ADGRE3: variants seen among roughly 807,000 people sequenced by gnomAD.
ADGRE3 encodes the protein adhesion G protein-coupled receptor E3.
ADGRE3 carries 88 observed loss-of-function variants against 80.1 expected under a neutral mutation model. The ratio of observed to expected loss-of-function variants is 1.10; its 90% CI spans 0.93 to 1.31. ADGRE3 has a LOEUF of 1.31. Ranked by LOEUF, ADGRE3 falls within the 40% of genes most tolerant of loss-of-function variation. The pLI is 0.00. For synonymous variants in ADGRE3, 281 were observed against 294.8 expected (o/e 0.95, Z 0.48); for missense variants, 715 against 776.5 (o/e 0.92, Z 0.94).
rs566254116 is a variant in ADGRE3 at position 14,630,199 on chromosome 19, G to A, written c.1652C>T (p.Ala551Val). 89 of 1,601,350 alleles carry A rather than the reference G, an allele frequency of 5.6e-5. 1 individual carries two copies. The East Asian group carries it at 6.5e-4, about 12-fold the overall frequency. The part of the protein sequence containing the change: ...VSTIQNTRML[A>V]FKATAQLFIL... ...GAAGAGCTGAGCTGTTGCTTTGAAAGCCAGCATCCTGGGAGGAGGAAGTCA... is the reference window on the plus strand; with the variant it reads ...GAAGAGCTGAGCTGTTGCTTTGAAAACCAGCATCCTGGGAGGAGGAAGTCA... The change falls in exon 14 of 16, where the codon GCT becomes GTT. Residue 551 changes from alanine (A) to valine (V), a missense_variant. Transcript: ENST00000253673.
chr19:14,630,262 C>T, intron 13 of ADGRE3, 55 bp from the exon 14 acceptor site: 7 of 1,474,178 alleles, frequency 4.7e-6, no homozygotes, highest in Non-Finnish European at 6.4e-6. Context: ...TGAGCATGAA[C>T]ACCCCTCTAG....
intron 5 of ADGRE3, among the ~76,000 whole-genome samples, chr19:14,656,353 C>CAAA (rs747939718): frequency 6.1e-5 from 5 of 82,400 alleles, no homozygotes; most frequent in African/African-American, 1.7e-4. Flanking sequence ...GACTCCATCT[C>CAAA]AAAAAAAAAA....
In ADGRE3 at chr19:14,652,790, G is replaced by GA. The variant is rs372506023; in HGVS notation, c.578-1587dup. ...AGACTCCATCTCAAAAAAAAAAAAA[G>GA]AAAAAAAAAAAAAGAATGACATTAA... On this transcript the variant is annotated intron_variant, in intron 6 of 15. Transcript: ENST00000253673. 7.6e-4 allele frequency among the ~76,000 whole-genome samples: 96 copies of GA among 125,944 alleles called. 1 individual carries two copies. In the Middle Eastern group the frequency reaches 0.013, roughly 17 times the overall value. The allele number at this position is 125,944 out of a possible 152,430, so 82.6% of individuals were successfully genotyped here.
chr19:14,662,901 TA>T (rs1412026718), intron 3 of ADGRE3, among the ~76,000 whole-genome samples: 1 of 30,108 alleles, frequency 3.3e-5, no homozygotes, highest in African/African-American at 1.6e-4. Context: ...AATCCATCTC[TA>T]CAAAAAAAAA....
intron 11 of ADGRE3, among the ~76,000 whole-genome samples, chr19:14,635,948 CT>C (rs1226462705): frequency 1.3e-5 from 2 of 151,406 alleles, no homozygotes; most frequent in African/African-American, 4.8e-5. Context: ...TGGAGACTTT[CT>C]TTTTTTGGTT....
chr19:14,648,162 T>C (rs1361778216), intron 7 of ADGRE3, among the ~76,000 whole-genome samples: 1 of 151,526 alleles, frequency 6.6e-6, no homozygotes, highest in Non-Finnish European at 1.5e-5. Context: ...CAAAGTCTGG[T>C]AACACTGAGA....
At chr19:14,625,275 C>T (rs990846986) in intron 15 of ADGRE3, among the ~76,000 whole-genome samples, 4 of 152,142 alleles carry the variant, frequency 2.6e-5, no homozygotes, top group African/African-American at 9.7e-5. Context: ...CCACCATGCC[C>T]AGCTAATGCT....
At chr19:14,636,974 A>T (rs998732822) in intron 11 of ADGRE3, among the ~76,000 whole-genome samples, 1 of 151,984 alleles carries the variant, frequency 6.6e-6, no homozygotes, top group African/African-American at 2.4e-5. Context: ...GGCACCTGTA[A>T]TCTCAGTTAC....
rs1555755831 is a variant in ADGRE3, at chr19:14,636,137, T to TTCCTTC, written c.1484+1967_1484+1968insGAAGGA. On this transcript the variant is annotated intron_variant, in intron 11 of 15. Coordinates refer to ENST00000253673, the MANE Select transcript of ADGRE3 (RefSeq NM_032571.5). ...TTCTTTCTTTCTTTCTTTCTTTCTT[T>TTCCTTC]CTTTCTTTCTTTCTTCCTTTCCTCC... Among the ~76,000 whole-genome samples, 37 of 31,356 alleles carry TTCCTTC rather than the reference T, an allele frequency of 1.2e-3. 2 individuals are homozygous for TTCCTTC. Among genetic ancestry groups the TTCCTTC allele is most frequent in the South Asian group, 4.9e-3 (2 of 412 alleles). 20.6% of individuals were successfully genotyped at this position (31,356 alleles called of 152,430 possible). A position where few individuals can be genotyped will look rare whatever the true frequency, so the allele number is the denominator to read the frequency against.
intron 9 of ADGRE3, among the ~76,000 whole-genome samples, chr19:14,642,055 T>C (rs1294969191): frequency 6.6e-6 from 1 of 151,118 alleles, no homozygotes; most frequent in East Asian, 1.9e-4. Flanking sequence ...GAATAGGGAG[T>C]TGGTTAAGGA....
chr19:14,669,842 T>C (rs1348090660), intron 1 of ADGRE3, among the ~76,000 whole-genome samples: 1 of 152,084 alleles, frequency 6.6e-6, no homozygotes, highest in African/African-American at 2.4e-5. Context: ...GATTTCTGGG[T>C]CCAACAGTAG....
At chr19:14,608,988 C>T in the ADGRE3 span, among the ~76,000 whole-genome samples, 19 of 151,866 alleles carry the variant, frequency 1.3e-4, no homozygotes, top group Non-Finnish European at 1.9e-4. Context: ...TTAGTAGAGA[C>T]GGGGTTTCAA....
chr19:14,609,613 G>T, the ADGRE3 span, among the ~76,000 whole-genome samples: 2 of 148,170 alleles, frequency 1.3e-5, no homozygotes, highest in Non-Finnish European at 3.0e-5. Context: ...TGAGGCGGGC[G>T]GATCACTTGA....
At chr19:14,658,087 C>A (rs937781149) in intron 5 of ADGRE3, among the ~76,000 whole-genome samples, 2 of 151,978 alleles carry the variant, frequency 1.3e-5, no homozygotes, top group African/African-American at 2.4e-5. Context: ...AGTTTTGATT[C>A]ACATTTGGTT....
At chr19:14,621,026 A>T (rs1417027285) in intron 15 of ADGRE3, among the ~76,000 whole-genome samples, 2 of 148,328 alleles carry the variant, frequency 1.3e-5, no homozygotes, top group Non-Finnish European at 3.0e-5. Flanking sequence ...TATTAATCAA[A>T]TTTTTTTTTT....
At chr19:14,624,972 T>TTTTG (rs909979573) in intron 15 of ADGRE3, among the ~76,000 whole-genome samples, 19 of 151,528 alleles carry the variant, frequency 1.3e-4, no homozygotes, top group African/African-American at 3.6e-4. Flanking sequence ...TGTGTGCTGT[T>TTTTG]TTTGTTTGTT....
intron 7 of ADGRE3, among the ~76,000 whole-genome samples, chr19:14,649,932 A>C (rs1376211908): frequency 2.0e-4 from 3 of 14,984 alleles, no homozygotes; most frequent in African/African-American, 7.8e-4. Flanking sequence ...CTCTCTTTCC[A>C]TCTCTCTCCA....
chr19:14,600,888 CTTCTTTTTTTT>C, the ADGRE3 span, among the ~76,000 whole-genome samples: 1 of 116,000 alleles, frequency 8.6e-6, no homozygotes. Flanking sequence ...CACGCTCGGC[CTTCTTTTTTTT>C]TTTTTTTTTT....
rs151188628 is a variant in ADGRE3 at position 14,667,371 on chromosome 19, A to G, written c.76+1431T>C. 2.1e-3 allele frequency among the ~76,000 whole-genome samples: 318 copies of G among 150,438 alleles called. 2 individuals carry two copies. Among genetic ancestry groups the G allele is most frequent in the African/African-American group, 7.6e-3 (311 of 40,856 alleles). ...TTTTTTTTTTTTTAAATTTGGTAAC[A>G]TGCACATAATATGAAATTTACCATC... On this transcript the variant is annotated intron_variant, in intron 2 of 15. Coordinates refer to ENST00000253673, the MANE Select transcript of ADGRE3 (RefSeq NM_032571.5).
Sources: gnomAD v4.1 joint callset for allele counts (sites outside exome capture counted in the v4.1 genomes callset) on GRCh38, gnomAD v4.1.1 for gene constraint, MANE v1.5 for transcripts, NCBI Gene and HGNC (gene_info 2026-07-23, HGNC 2026-07-21) for gene names.